The following COL5A3 variants were observed in gnomAD, a reference collection of about 807,000 sequenced individuals.
COL5A3 encodes the protein collagen type V alpha 3 chain.
A neutral mutation model predicts 250.0 loss-of-function variants in COL5A3; 172 were observed. The ratio of observed to expected loss-of-function variants is 0.69; its 90% CI spans 0.61 to 0.78. COL5A3 has a LOEUF of 0.78. COL5A3 is among the 30% of genes least tolerant of loss of function. COL5A3 has a pLI of 0.00. For synonymous variants in COL5A3, 937 were observed against 900.4 expected (o/e 1.04, Z -0.73); for missense variants, 2,340 against 2,334.4 (o/e 1.00, Z -0.05).
chr19:9,980,123 C>T, intron 35 of COL5A3, 76 bp from the exon 36 acceptor site: 1 of 1,373,444 alleles, frequency 7.3e-7, no homozygotes, highest in Non-Finnish European at 9.9e-7. Context: ...ATAATGACAA[C>T]AGGATCGAGC....
At position 9,978,599 on chromosome 19, in the gene COL5A3, C is replaced by G. The variant is rs768403020; in HGVS notation, c.2993G>C (p.Gly998Ala). 5.1e-6 allele frequency: 8 copies of G among 1,578,324 alleles called. No individual in the cohort carries two copies. Among genetic ancestry groups the G allele is most frequent in the Non-Finnish European group, 6.9e-6 (8 of 1,164,006 alleles). ...PGPTGLKGDK[G>A]PPGPVGANGS... is the part of the protein sequence containing the mutation. Reference sequence around the variant, plus strand: ...ATTGGCCCCCACGGGCCCTGGGGGGCCCTTATCACCCTTTAAGCCAGTAGG... The same window carrying G: ...ATTGGCCCCCACGGGCCCTGGGGGGGCCTTATCACCCTTTAAGCCAGTAGG... The change falls in exon 41 of 67, where the codon GGC (glycine) becomes GCC (alanine). Residue 998 changes from glycine (G) to alanine (A), a missense_variant. Around this residue, in one of 3 missense-constraint regions of COL5A3, gnomAD observed 1,179 missense variants for 1,162.6 expected, o/e 1.01. Coordinates refer to ENST00000264828, the MANE Select transcript of COL5A3 (RefSeq NM_015719.4).
Position 10,001,837 on chromosome 19 carries a change from C to A in COL5A3, c.894G>T (p.Leu298=). The A allele has an allele frequency of 6.2e-7, 1 of 1,614,068 alleles. No individual in the cohort carries two copies. Among genetic ancestry groups the A allele is most frequent in the Non-Finnish European group, 8.5e-7 (1 of 1,179,988 alleles). Residue 298 remains leucine, a synonymous_variant, in exon 7 of 67, where the codon CTG becomes CTT. Transcript: ENST00000264828. The part of the protein sequence containing the change: ...IPKTETPAPN[L]PPTPTPLVVT... ...CGACCAAAGGCGTGGGGGTCGGAGG[C>A]AGATTTGGAGCTGGAGTCTCTGTCT...
rs1282330942 is a variant in COL5A3 at position 9,981,003 on chromosome 19, C to A, written c.2505+85G>T. The stretch of plus-strand genomic sequence containing the variant: ...TGATATAACCCAAACCCTTTCCCTG[C>A]CCACAGATGACCTCTCCACTACCTT... On this transcript the variant is annotated intron_variant, in intron 33 of 66. Coordinates refer to ENST00000264828, the MANE Select transcript of COL5A3 (RefSeq NM_015719.4). 5.2e-6 allele frequency: 8 copies of A among 1,533,636 alleles called. No homozygotes were observed. The African/African-American group carries it at 6.8e-5, about 13-fold the overall frequency.
intron 48 of COL5A3, 49 bp from the exon 49 acceptor site, chr19:9,973,858 C>T (rs1478804717): frequency 1.2e-6 from 2 of 1,609,748 alleles, no homozygotes; most frequent in South Asian, 1.1e-5. Context: ...TCCCAACATC[C>T]TCTTCTTAGG....
At position 9,960,565 on chromosome 19, in the gene COL5A3, C is replaced by T; in HGVS notation, c.5092-8G>A. On this transcript the variant is annotated splice_region_variant and splice_polypyrimidine_tract_variant and intron_variant, in intron 66 of 66. Transcript: ENST00000264828. ...CGTCTGTCCTTTCCGGAGCTGTCCC[C>T]AGAGAAGACAGAGACGGTGAGTTAC... 6.2e-7 allele frequency: 1 copy of T among 1,614,128 alleles called. No homozygotes were observed. The highest frequency in any genetic ancestry group is 8.5e-7 in the Non-Finnish European group (1 of 1,180,008).
In COL5A3 at chr19:9,960,320, A is replaced by G; in HGVS notation, c.*91T>C. 6.7e-7 allele frequency: 1 copy of G among 1,482,842 alleles called. No homozygotes were observed. Among genetic ancestry groups the G allele is most frequent in the Non-Finnish European group, 9.3e-7 (1 of 1,075,310 alleles). The allele number at this position is 1,482,842 out of a possible 1,614,324, so 91.9% of individuals were successfully genotyped here. A position where few individuals can be genotyped will look rare whatever the true frequency, so the allele number is the denominator to read the frequency against. On this transcript the variant is annotated 3_prime_UTR_variant, in exon 67 of 67. Transcript: ENST00000264828. ...CACATCCCATTGGCTCCATAGTCAC[A>G]GGTAACGAAAAATACGGTGGCTTCA...
chr19:10,010,159 T>C (rs2087508441), intron 1 of COL5A3, 139 bp downstream of exon 1: 2 of 187,958 alleles, frequency 1.1e-5, no homozygotes, highest in Non-Finnish European at 2.0e-5. Context: ...CAGATACTCA[T>C]GCGCCCACAT....
chr19:10,004,214 C>G, intron 4 of COL5A3, 69 bp from the exon 5 acceptor site: 1 of 1,161,978 alleles, frequency 8.6e-7, no homozygotes, highest in East Asian at 2.4e-5. Context: ...GACCCCCTAA[C>G]CCCCAGCAGT....
Position 10,003,630 on chromosome 19 carries a change from TC to T in COL5A3, c.783del (p.Lys262ArgfsTer50). 1 of 1,614,140 alleles carries T rather than the reference TC, an allele frequency of 6.2e-7. No homozygotes were observed. On this transcript the variant is annotated frameshift_variant, in exon 6 of 67. Coordinates refer to ENST00000264828, the MANE Select transcript of COL5A3 (RefSeq NM_015719.4). LOFTEE classifies it high-confidence loss of function. Reference protein sequence around the residue: ...KGRKKGRGRKGKGRKKNKEIW... With the variant: ...KGRKKGRGRKXKGRKKNKEIW... The stretch of plus-strand genomic sequence containing the variant: ...ATTTCCTTGTTCTTTTTCCTGCCCT[TC>T]CCCTTGCGACCTCGCCCTTTCTTCC...
chr19:9,970,643 G>A lies in COL5A3; in HGVS notation c.3915C>T (p.Ala1305=), dbSNP rs1204976972. Residue 1305 remains alanine, a synonymous_variant, in exon 54 of 67, where the codon GCC becomes GCT. Transcript: ENST00000264828. The part of the protein sequence containing the change: ...GPPGASGEPG[A]PGPPGKRGPS... ...TTACCCTCTTGCCGGGGGGCCCGGG[G>A]GCGCCGGGCTCCCCAGAAGCTCCAG... 4 of 1,455,226 alleles carry A rather than the reference G, an allele frequency of 2.7e-6. No individual in the cohort carries two copies. 90.1% of individuals were successfully genotyped at this position (1,455,226 alleles called of 1,614,324 possible). A position where few individuals can be genotyped will look rare whatever the true frequency, so the allele number is the denominator to read the frequency against.
At chr19:9,975,960 G>A (rs1971056) in intron 45 of COL5A3, among the ~76,000 whole-genome samples, 29,281 of 150,168 alleles carry the variant, frequency 0.19, 2,965 homozygotes, top group South Asian at 0.32. Context: ...GGGAAGACAC[G>A]GTTGGGTCGG....
intron 1 of COL5A3, among the ~76,000 whole-genome samples, chr19:10,006,919 C>T (rs2087451889): frequency 1.3e-5 from 2 of 151,984 alleles, no homozygotes; most frequent in South Asian, 4.2e-4. Context: ...TTCCCTCTGA[C>T]TTTCACCTCT....
At chr19:9,962,998 T>C in intron 64 of COL5A3, 111 bp from the exon 65 acceptor site, 1 of 791,896 alleles carries the variant, frequency 1.3e-6, no homozygotes, top group East Asian at 2.8e-5. Flanking sequence ...CAGGATGTTC[T>C]CTGGCTTCTG....
rs201058798 is a variant in COL5A3 at position 9,966,489 on chromosome 19, C to G, written c.4669+47G>C. On this transcript the variant is annotated intron_variant, in intron 63 of 66. Transcript: ENST00000264828. Reference sequence around the variant, plus strand: ...GGACCCGACGGACCCCAACCCCCCCCACACCCCCACTCCGCCCATCCAAGT... The same window carrying G: ...GGACCCGACGGACCCCAACCCCCCCGACACCCCCACTCCGCCCATCCAAGT... The G allele has an allele frequency of 8.4e-5, 131 of 1,557,478 alleles. No homozygotes were observed. The African/African-American group carries it at 1.4e-3, about 17-fold the overall frequency.
chr19:9,989,121 T>C lies in COL5A3; in HGVS notation c.2145+3A>G, dbSNP rs2087150243. 2 of 1,614,142 alleles carry C rather than the reference T, an allele frequency of 1.2e-6. No individual in the cohort carries two copies. Among genetic ancestry groups the C allele is most frequent in the East Asian group, 4.5e-5 (2 of 44,880 alleles). On this transcript the variant is annotated splice_donor_region_variant and intron_variant, in intron 27 of 66. Transcript: ENST00000264828. ...CACTCATACCTGCAAGCGTATCACC[T>C]ACCTTCACTCCCCGAGGTCCAGGAT...
Position 10,009,874 on chromosome 19 carries a change from G to C in COL5A3, c.88+424C>G, listed in dbSNP as rs2087501755. On this transcript the variant is annotated intron_variant, in intron 1 of 66. Transcript: ENST00000264828. The surrounding 1 kb of genome is among the most constrained non-coding windows in gnomAD (Gnocchi z 4.4). ...CATAACCACTCACACGGTTACCCTCGAAAATCAGCACATAGACAAGAGCAC... is the reference window on the plus strand; with the variant it reads ...CATAACCACTCACACGGTTACCCTCCAAAATCAGCACATAGACAAGAGCAC... Among the ~76,000 whole-genome samples the C allele has an allele frequency of 6.6e-6, 1 of 151,864 alleles. No homozygotes were observed. Among genetic ancestry groups the C allele is most frequent in the African/African-American group, 2.4e-5 (1 of 41,294 alleles).
At chr19:10,004,548 C>G (rs954306277) in intron 4 of COL5A3, among the ~76,000 whole-genome samples, 6 of 152,286 alleles carry the variant, frequency 3.9e-5, no homozygotes, top group African/African-American at 1.4e-4. Context: ...CCAGGCTGGT[C>G]CCGAACTCCT....
intron 45 of COL5A3, among the ~76,000 whole-genome samples, chr19:9,975,610 T>C (rs1275611036): frequency 6.6e-6 from 1 of 151,894 alleles, no homozygotes; most frequent in Admixed American, 6.6e-5. Context: ...GAAGACATGG[T>C]TGGAGTTGAG....
intron 1 of COL5A3, among the ~76,000 whole-genome samples, chr19:10,006,566 T>C (rs34480538): frequency 0.16 from 23,715 of 152,014 alleles, 2,030 homozygotes; most frequent in Middle Eastern, 0.24. Flanking sequence ...CTCCCTGCTC[T>C]CCCGCGCAGG....
Sources: gnomAD v4.1 joint callset for allele counts (sites outside exome capture counted in the v4.1 genomes callset) on GRCh38, gnomAD v4.1.1 for gene constraint, gnomAD v4.1.1 regional missense constraint, Gnocchi (gnomAD v3.1) non-coding constraint, MANE v1.5 for transcripts, NCBI Gene and HGNC (gene_info 2026-07-23, HGNC 2026-07-21) for gene names.